The following SRGAP1 variants were observed in gnomAD, a reference collection of about 807,000 sequenced individuals.
SRGAP1 encodes SLIT-ROBO Rho GTPase-activating protein 1.
A neutral mutation model predicts 121.9 loss-of-function variants in SRGAP1; 43 were observed. The observed-to-expected ratio is 0.35, with a 90% CI of 0.28 to 0.46. The LOEUF (loss-of-function observed/expected upper bound fraction) is 0.46. SRGAP1 is among the 20% of genes least tolerant of loss of function. SRGAP1 has a pLI of 1.00. For synonymous variants in SRGAP1, 447 were observed against 485.4 expected (o/e 0.92, Z 1.04); for missense variants, 1,102 against 1,350.9 (o/e 0.82, Z 2.89).
intron 1 of SRGAP1, among the ~76,000 whole-genome samples, chr12:63,876,231 C>T (rs979536821): frequency 6.6e-6 from 1 of 152,104 alleles, no homozygotes; most frequent in African/African-American, 2.4e-5. Flanking sequence ...ATTTTAATAT[C>T]ATGAAACCTA....
intron 6 of SRGAP1, among the ~76,000 whole-genome samples, chr12:64,059,041 G>T (rs1453454116): frequency 6.6e-6 from 1 of 152,084 alleles, no homozygotes; most frequent in Non-Finnish European, 1.5e-5. Context: ...CTTCACAGAA[G>T]CCTCCTAAGG....
At chr12:64,060,383 T>G (rs2035428804) in intron 6 of SRGAP1, among the ~76,000 whole-genome samples, 1 of 151,882 alleles carries the variant, frequency 6.6e-6, no homozygotes, top group African/African-American at 2.4e-5. Context: ...ATTTTTAAAA[T>G]TTTTTGTAGA....
chr12:64,101,511 G>C (rs2036255715), intron 15 of SRGAP1, among the ~76,000 whole-genome samples: 1 of 152,056 alleles, frequency 6.6e-6, no homozygotes, highest in Non-Finnish European at 1.5e-5. Flanking sequence ...TCTTTTTAAA[G>C]ATTATTTATC....
intron 16 of SRGAP1, 49 bp from the exon 17 acceptor site, chr12:64,111,713 T>C: frequency 1.4e-6 from 2 of 1,477,250 alleles, no homozygotes; most frequent in Non-Finnish European, 9.2e-7. Context: ...ATTTATATCC[T>C]TTTTTTCTCT....
At chr12:64,043,238 C>T (rs2035059052) in intron 5 of SRGAP1, among the ~76,000 whole-genome samples, 1 of 152,152 alleles carries the variant, frequency 6.6e-6, no homozygotes, top group South Asian at 2.1e-4. Context: ...GCCTGAAGCC[C>T]AAATACATTG....
chr12:64,076,935 G>A (rs907503686), intron 8 of SRGAP1, among the ~76,000 whole-genome samples: 4 of 152,040 alleles, frequency 2.6e-5, no homozygotes, highest in African/African-American at 9.7e-5. Flanking sequence ...GAGTCACCAC[G>A]CCCCGCTCAG....
intron 1 of SRGAP1, among the ~76,000 whole-genome samples, chr12:63,976,408 G>A (rs930173314): frequency 6.6e-6 from 1 of 152,042 alleles, no homozygotes; most frequent in African/African-American, 2.4e-5. Context: ...TTGCCTTCTT[G>A]CCCAGCCATG....
At chr12:64,125,899 CAT>C in intron 18 of SRGAP1, 76 bp from the exon 19 acceptor site, 1 of 1,472,626 alleles carries the variant, frequency 6.8e-7, no homozygotes, top group East Asian at 2.3e-5. Flanking sequence ...TTTGAAGCCT[CAT>C]AGAGCCCTCA....
At chr12:64,106,779 C>T (rs2036351198) in intron 15 of SRGAP1, among the ~76,000 whole-genome samples, 1 of 152,152 alleles carries the variant, frequency 6.6e-6, no homozygotes, top group Non-Finnish European at 1.5e-5. Flanking sequence ...AGTATGTTAA[C>T]AAAGTGCTTG....
At chr12:64,022,744 C>G (rs1228292548) in intron 4 of SRGAP1, among the ~76,000 whole-genome samples, 1 of 152,166 alleles carries the variant, frequency 6.6e-6, no homozygotes, top group Non-Finnish European at 1.5e-5. Context: ...AATAATACCT[C>G]TTAGAGTTGT....
chr12:63,862,796 C>G (rs73126630), intron 1 of SRGAP1, among the ~76,000 whole-genome samples: 62 of 152,234 alleles, frequency 4.1e-4, no homozygotes, highest in Non-Finnish European at 7.9e-4. Flanking sequence ...AAAGTGATGG[C>G]TTTATCCTTC....
chr12:64,038,642 A>G (rs2034948328), intron 4 of SRGAP1: 1 of 152,242 alleles, frequency 6.6e-6, no homozygotes, highest in African/African-American at 2.4e-5. Flanking sequence ...CCATGTCAGT[A>G]AGAAAAAAAT....
intron 1 of SRGAP1, among the ~76,000 whole-genome samples, chr12:63,900,268 C>T (rs1354254048): frequency 5.7e-5 from 8 of 139,532 alleles, no homozygotes; most frequent in Non-Finnish European, 1.2e-4. Context: ...TGCAGTGGCA[C>T]GATCTCGGCT....
At position 64,000,239 on chromosome 12, in the gene SRGAP1, GGTGTGTGTGTGTGT is replaced by G. The variant is rs58289093; in HGVS notation, c.426+10190_426+10203del. On this transcript the variant is annotated intron_variant, in intron 3 of 21. Transcript: ENST00000355086. The stretch of plus-strand genomic sequence containing the variant: ...AAGAACATTGGTCAAGAAAGGTAGG[GGTGTGTGTGTGTGT>G]GTGTGTGTGTGTGTGTGTGTGTAAA... Among the ~76,000 whole-genome samples, 49 of 131,552 alleles carry G rather than the reference GGTGTGTGTGTGTGT, an allele frequency of 3.7e-4. No individual in the cohort carries two copies. In the East Asian group the frequency reaches 9.8e-3, roughly 26 times the overall value. The allele number at this position is 131,552 out of a possible 152,430, so 86.3% of individuals were successfully genotyped here. A position where few individuals can be genotyped will look rare whatever the true frequency, so the allele number is the denominator to read the frequency against.
At chr12:63,935,359 AT>A (rs1193234263) in intron 1 of SRGAP1, among the ~76,000 whole-genome samples, 1 of 152,062 alleles carries the variant, frequency 6.6e-6, no homozygotes, top group East Asian at 1.9e-4. Context: ...TTTATGCTCT[AT>A]TTTTTTCAAA....
chr12:63,936,619 A>G (rs1397227592), intron 1 of SRGAP1, among the ~76,000 whole-genome samples: 2 of 152,144 alleles, frequency 1.3e-5, no homozygotes, highest in African/African-American at 2.4e-5. Context: ...CATAGAGGGC[A>G]CCAGAGTCAT....
chr12:64,105,619 A>T (rs192587245), intron 15 of SRGAP1, among the ~76,000 whole-genome samples: 47 of 152,226 alleles, frequency 3.1e-4, no homozygotes, highest in African/African-American at 1.1e-3. Context: ...TCCCCTCTCT[A>T]CTAAAAATAC....
At chr12:64,080,746 A>T in intron 10 of SRGAP1, 4 of 259,566 alleles carry the variant, frequency 1.5e-5, no homozygotes, top group South Asian at 4.9e-5. Context: ...TTCCAACCCC[A>T]CCCCTGTTTG....
intron 3 of SRGAP1, among the ~76,000 whole-genome samples, chr12:63,999,776 A>G (rs1159445126): frequency 6.6e-6 from 1 of 152,140 alleles, no homozygotes; most frequent in African/African-American, 2.4e-5. Context: ...AGAGATCAAG[A>G]CTAGAGAGTT....
Sources: allele counts gnomAD v4.1 joint callset (sites outside exome capture counted in the v4.1 genomes callset), GRCh38; gene constraint gnomAD v4.1.1; transcripts MANE v1.5; gene names NCBI Gene and HGNC (gene_info 2026-07-23, HGNC 2026-07-21).